ZNF33B: variants seen among roughly 807,000 people sequenced by gnomAD.
ZNF33B encodes the protein zinc finger protein 11b (KOX 2).
In ZNF33B, 29 loss-of-function variants were observed where a neutral mutation model predicts 45.8. The ratio of observed to expected loss-of-function variants is 0.63; its 90% CI spans 0.47 to 0.86. ZNF33B has a LOEUF of 0.86. Among genes scored for constraint, ZNF33B ranks in the 40% least tolerant of loss-of-function variants. The pLI is 0.00. For missense variants in ZNF33B, 831 were observed against 909.9 expected, an observed-to-expected ratio of 0.91 and a Z score of 1.12; for synonymous variants, 305 against 307.8, an observed-to-expected ratio of 0.99 and a Z score of 0.10.
chr10:42,583,623 C>G (rs1358573514), intron 1 of ZNF33B, among the ~76,000 whole-genome samples: 2 of 152,060 alleles, frequency 1.3e-5, no homozygotes, highest in Non-Finnish European at 2.9e-5. Flanking sequence ...CTCAACTAAC[C>G]CCCAGGTGTG....
In ZNF33B at chr10:42,593,908, G is replaced by A; in HGVS notation, c.1042C>T (p.Gln348Ter). 6.2e-7 allele frequency: 1 copy of A among 1,614,018 alleles called. No individual in the cohort carries two copies. Among genetic ancestry groups the A allele is most frequent in the Non-Finnish European group, 8.5e-7 (1 of 1,179,950 alleles). Residue 348 changes from glutamine to a stop codon, truncating the protein, a stop_gained, in exon 5 of 5, where the codon CAG (glutamine) becomes TAG (stop). Transcript: ENST00000359467. LOFTEE classifies it low-confidence loss of function (END_TRUNC). ...TGTTTCTCTCCTGTGTGCACCCTCT[G>A]ATGTCGAGTGAGATGTGACTTCTCC... ...FWEKSHLTRHQRVHTGEKHFQ... is the reference protein window; with the variant it reads ...FWEKSHLTRH
intron 4 of ZNF33B, among the ~76,000 whole-genome samples, chr10:42,612,581 C>T (rs1174387518): frequency 2.6e-5 from 4 of 152,102 alleles, no homozygotes; most frequent in African/African-American, 9.7e-5. Context: ...GTGGTCATGG[C>T]ATCTAATTAT....
chr10:42,634,800 AT>A (rs2132172635), intron 2 of ZNF33B, among the ~76,000 whole-genome samples: 1 of 152,400 alleles, frequency 6.6e-6, no homozygotes, highest in African/African-American at 2.4e-5. Context: ...GTAAATGTGA[AT>A]GCCAAAACAA....
Position 42,591,874 on chromosome 10 carries a change from C to G in ZNF33B, c.*739G>C, listed in dbSNP as rs1251232311. ...ACAGATCTCAGACTCCTTTTCCATT[C>G]TGTAAACTAATTGTGTTGATGGTTA... is the stretch of plus-strand genomic sequence containing the variant. On this transcript the variant is annotated 3_prime_UTR_variant, in exon 5 of 5. Coordinates refer to ENST00000359467, the MANE Select transcript of ZNF33B (RefSeq NM_006955.3). The G allele has an allele frequency of 1.3e-5, 2 of 152,328 alleles. No individual in the cohort carries two copies. Among genetic ancestry groups the G allele is most frequent in the Admixed American group, 1.3e-4 (2 of 15,270 alleles). The allele number at this position is 152,328 out of a possible 1,614,324, so 9.4% of individuals were successfully genotyped here.
Position 42,591,423 on chromosome 10 carries a change from A to G in ZNF33B, c.*1190T>C, listed in dbSNP as rs1837118256. 3.2e-6 allele frequency: 1 copy of G among 308,356 alleles called. No individual in the cohort carries two copies. Among genetic ancestry groups the G allele is most frequent in the Non-Finnish European group, 4.7e-6 (1 of 211,334 alleles). The allele number at this position is 308,356 out of a possible 1,614,324, so 19.1% of individuals were successfully genotyped here. On this transcript the variant is annotated 3_prime_UTR_variant, in exon 5 of 5. Transcript: ENST00000359467. ...GCCTAGATCTTCACACGTACAGGATAGATTTTTTTTCAGATAATCTGTTAT... is the reference window on the plus strand; with the variant it reads ...GCCTAGATCTTCACACGTACAGGATGGATTTTTTTTCAGATAATCTGTTAT...
At chr10:42,574,311 T>C (rs1271086990) in exon 2 of ZNF33B, 2 of 152,032 alleles carry the variant, frequency 1.3e-5, no homozygotes, top group East Asian at 3.9e-4. Context: ...TTAGAGCTTC[T>C]ACAGAATGGG....
intron 4 of ZNF33B, among the ~76,000 whole-genome samples, chr10:42,597,287 G>A (rs1021846526): frequency 2.0e-5 from 3 of 151,970 alleles, no homozygotes; most frequent in African/African-American, 7.2e-5. Flanking sequence ...ATAAAAAGAA[G>A]TATAGTAAAA....
At chr10:42,578,290 G>A (rs1429448204) in intron 1 of ZNF33B, among the ~76,000 whole-genome samples, 1 of 152,236 alleles carries the variant, frequency 6.6e-6, no homozygotes, top group Non-Finnish European at 1.5e-5. Flanking sequence ...CCACGGTCTG[G>A]AGGGTGGATA....
At chr10:42,579,477 A>G (rs1020801446) in intron 1 of ZNF33B, among the ~76,000 whole-genome samples, 1 of 152,208 alleles carries the variant, frequency 6.6e-6, no homozygotes, top group Non-Finnish European at 1.5e-5. Flanking sequence ...GAATGGCATG[A>G]GATTCGGTTT....
At chr10:42,587,830 C>T (rs950848521), downstream of ZNF33B, among the ~76,000 whole-genome samples, 11 of 152,138 alleles carry the variant, frequency 7.2e-5, no homozygotes, top group Non-Finnish European at 8.8e-5. Context: ...GCACCTGGAC[C>T]ATGGGCCACC....
intron 1 of ZNF33B, among the ~76,000 whole-genome samples, chr10:42,580,106 T>A (rs1359735950): frequency 2.0e-5 from 3 of 152,174 alleles, no homozygotes; most frequent in Non-Finnish European, 4.4e-5. Context: ...GGTAATATGG[T>A]CACCATGATC....
intron 4 of ZNF33B, among the ~76,000 whole-genome samples, chr10:42,621,506 A>G (rs1200776836): frequency 6.6e-6 from 1 of 152,078 alleles, no homozygotes; most frequent in Non-Finnish European, 1.5e-5. Context: ...TATCCTGGAA[A>G]TGCCTGTGTG....
At chr10:42,596,984 C>T (rs1271023749) in intron 4 of ZNF33B, among the ~76,000 whole-genome samples, 1 of 150,984 alleles carries the variant, frequency 6.6e-6, no homozygotes, top group Non-Finnish European at 1.5e-5. Flanking sequence ...ACATCCTTGT[C>T]ATGTTTCTGA....
intron 4 of ZNF33B, among the ~76,000 whole-genome samples, chr10:42,627,416 T>G (rs1838860086): frequency 6.6e-6 from 1 of 152,242 alleles, no homozygotes; most frequent in South Asian, 2.1e-4. Context: ...TGATTTGTCA[T>G]CTCATTTTAT....
chr10:42,634,176 A>G (rs1780251674), intron 2 of ZNF33B, among the ~76,000 whole-genome samples: 1 of 152,014 alleles, frequency 6.6e-6, no homozygotes. Context: ...AGGTAAAGGC[A>G]GGCAGCTCAC....
intron 1 of ZNF33B, 84 bp downstream of exon 1, chr10:42,638,390 C>T (rs1839442355): frequency 3.0e-6 from 1 of 336,996 alleles, no homozygotes; most frequent in African/African-American, 2.2e-5. Flanking sequence ...CTCCTCGCCA[C>T]CACCTGGCAC....
exon 2 of ZNF33B, chr10:42,574,542 A>T (rs1387409537): frequency 6.6e-6 from 1 of 151,762 alleles, no homozygotes; most frequent in Non-Finnish European, 1.5e-5. Flanking sequence ...CTCCACCATC[A>T]CATTTCCTCT....
chr10:42,581,139 T>C (rs1303163813), intron 1 of ZNF33B, among the ~76,000 whole-genome samples: 1 of 152,046 alleles, frequency 6.6e-6, no homozygotes, highest in Non-Finnish European at 1.5e-5. Flanking sequence ...GTATTTCCTT[T>C]TCTTTATGCA....
intron 1 of ZNF33B, among the ~76,000 whole-genome samples, chr10:42,578,934 G>A (rs951468137): frequency 6.6e-6 from 1 of 152,200 alleles, no homozygotes; most frequent in Non-Finnish European, 1.5e-5. Context: ...AATTTTACAA[G>A]GAGTGACATA....
Sources: allele counts gnomAD v4.1 joint callset (sites outside exome capture counted in the v4.1 genomes callset), GRCh38; gene constraint gnomAD v4.1.1; transcripts MANE v1.5; gene names NCBI Gene and HGNC (gene_info 2026-07-23, HGNC 2026-07-21).